Variants in RAD50 observed in about 807,000 individuals in gnomAD.
RAD50 encodes the protein DNA repair protein RAD50.
RAD50 carries 132 observed loss-of-function variants against 168.8 expected under a neutral mutation model. The observed-to-expected ratio is 0.78, with a 90% CI of 0.68 to 0.90. The LOEUF is 0.90. Among genes scored for constraint, RAD50 ranks in the 40% least tolerant of loss-of-function variants. RAD50 has a pLI of 0.00. For synonymous variants in RAD50, 525 were observed against 497.4 expected (o/e 1.06, Z -0.74); for missense variants, 1,347 against 1,534.4 (o/e 0.88, Z 2.04).
chr5:132,560,950 C>T (rs1219272619), intron 2 of RAD50, among the ~76,000 whole-genome samples: 1 of 152,220 alleles, frequency 6.6e-6, no homozygotes, highest in Non-Finnish European at 1.5e-5. Context: ...TTCCCTCAAT[C>T]TACTCCATTC....
rs1751825641 is a variant in RAD50, at chr5:132,645,242, T to C, written c.*2878T>C. 1 of 152,256 alleles carries C rather than the reference T, an allele frequency of 6.6e-6. No individual in the cohort carries two copies. The highest frequency in any genetic ancestry group is 2.4e-5 in the African/African-American group (1 of 41,464). The allele number at this position is 152,256 out of a possible 1,614,324, so 9.4% of individuals were successfully genotyped here. On this transcript the variant is annotated 3_prime_UTR_variant, in exon 25 of 25. Coordinates refer to ENST00000378823, the MANE Select transcript of RAD50 (RefSeq NM_005732.4). ...CTGAGATTTCAATCCATTGATTCTA[T>C]GGCTTTTTCACAGGTTGTTTCCCTG...
intron 17 of RAD50, 147 bp downstream of exon 17, chr5:132,608,872 ATT>A: frequency 7.3e-7 from 1 of 1,371,314 alleles, no homozygotes; most frequent in African/African-American, 1.5e-5. Flanking sequence ...GACATTAGAA[ATT>A]CTTGTTAGAA....
intron 21 of RAD50, chr5:132,630,646 T>A (rs1751446839): frequency 1.3e-5 from 2 of 152,216 alleles, no homozygotes; most frequent in Admixed American, 1.3e-4. Flanking sequence ...TAGGCTGAAT[T>A]GTAAAAGCTG....
chr5:132,565,353 TAATC>T (rs1165333670), intron 2 of RAD50, among the ~76,000 whole-genome samples: 13 of 152,256 alleles, frequency 8.5e-5, no homozygotes, highest in African/African-American at 2.2e-4. Flanking sequence ...TATATTGACT[TAATC>T]AATCCTCCTG....
intron 21 of RAD50, among the ~76,000 whole-genome samples, chr5:132,627,920 T>C (rs1269192983): frequency 6.6e-6 from 1 of 152,132 alleles, no homozygotes; most frequent in Admixed American, 6.5e-5. Context: ...AGTGATAGAC[T>C]TGGGATTTGT....
At chr5:132,611,695 G>C (rs542805769) in intron 19 of RAD50, among the ~76,000 whole-genome samples, 50 of 119,994 alleles carry the variant, frequency 4.2e-4, no homozygotes, top group Middle Eastern at 5.5e-3. Context: ...GACAGAGCCA[G>C]ACTCCGTCTT....
At position 132,603,252 on chromosome 5, in the gene RAD50, CTG is replaced by C. The variant is rs1750918549; in HGVS notation, c.2208-45_2208-44del. ...CTAAAAATACATAACCTCAGTCTAA[CTG>C]TGAGAAACATCAGATACTTTATTTT... On this transcript the variant is annotated intron_variant, in intron 13 of 24. Transcript: ENST00000378823. 3 of 1,507,710 alleles carry C rather than the reference CTG, an allele frequency of 2.0e-6. No homozygotes were observed. The Admixed American group carries it at 5.7e-5, about 29-fold the overall frequency. 93.4% of individuals were successfully genotyped at this position (1,507,710 alleles called of 1,614,324 possible).
intron 3 of RAD50, among the ~76,000 whole-genome samples, chr5:132,577,264 CTCT>C (rs778982657): frequency 1.7e-4 from 26 of 152,242 alleles, no homozygotes; most frequent in Middle Eastern, 3.4e-3. Context: ...TCACTGTGAC[CTCT>C]TCTTCTCTCT....
At chr5:132,611,000 T>C (rs1751073716) in intron 19 of RAD50, among the ~76,000 whole-genome samples, 1 of 152,182 alleles carries the variant, frequency 6.6e-6, no homozygotes, top group African/African-American at 2.4e-5. Context: ...AACAAGGCAG[T>C]GTAGAAATAA....
At chr5:132,560,309 A>T (rs1750102562) in intron 2 of RAD50, among the ~76,000 whole-genome samples, 1 of 152,146 alleles carries the variant, frequency 6.6e-6, no homozygotes, top group African/African-American at 2.4e-5. Context: ...CATTGAGTTT[A>T]TATCCTGTAG....
At position 132,621,259 on chromosome 5, in the gene RAD50, A is replaced by G. The variant is rs567489769; in HGVS notation, c.3389+2965A>G. Reference sequence around the variant, plus strand: ...TTTGAGAGGTAGGGCCCAGCAGTCTATTTTTGACAGACATTTTGGGTGATT... The same window carrying G: ...TTTGAGAGGTAGGGCCCAGCAGTCTGTTTTTGACAGACATTTTGGGTGATT... On this transcript the variant is annotated intron_variant, in intron 21 of 24. Coordinates refer to ENST00000378823, the MANE Select transcript of RAD50 (RefSeq NM_005732.4). 2.6e-5 allele frequency among the ~76,000 whole-genome samples: 4 copies of G among 152,248 alleles called. No homozygotes were observed. In the East Asian group the frequency reaches 7.7e-4, roughly 29 times the overall value.
At chr5:132,589,095 GGTTTT>G (rs1342619067) in intron 8 of RAD50, among the ~76,000 whole-genome samples, 3 of 151,960 alleles carry the variant, frequency 2.0e-5, no homozygotes, top group Non-Finnish European at 4.4e-5. Context: ...TTTTTTATTT[GGTTTT>G]AAGTAAAAAT....
chr5:132,591,836 A>C, intron 10 of RAD50, 41 bp from the exon 11 acceptor site: 1 of 1,438,486 alleles, frequency 7.0e-7, no homozygotes, highest in Non-Finnish European at 9.7e-7. Flanking sequence ...TAATGTGGAG[A>C]TATAGACTTT....
chr5:132,604,764 A>G (rs765880228), intron 15 of RAD50, 42 bp from the exon 16 acceptor site: 1 of 1,435,606 alleles, frequency 7.0e-7, no homozygotes, highest in Non-Finnish European at 9.7e-7. Flanking sequence ...AGTATTTTCT[A>G]TGCCCTTACA....
Position 132,588,055 on chromosome 5 carries a change from C to CAA in RAD50, c.1018_1019dup (p.Asn340LysfsTer32). The CAA allele has an allele frequency of 6.2e-7, 1 of 1,612,740 alleles. No homozygotes were observed. On this transcript the variant is annotated frameshift_variant, in exon 7 of 25. Coordinates refer to ENST00000378823, the MANE Select transcript of RAD50 (RefSeq NM_005732.4). LOFTEE classifies it high-confidence loss of function. Reference sequence around the variant, plus strand: ...AACTAAATAAAGAATCTAGGCTTCTCAATCAGGAAAAATCAGAACTGCTTG... The same window carrying CAA: ...AACTAAATAAAGAATCTAGGCTTCTCAAAATCAGGAAAAATCAGAACTGCTTG...
chr5:132,598,073 A>G (rs1412145356), intron 13 of RAD50, among the ~76,000 whole-genome samples: 1 of 144,746 alleles, frequency 6.9e-6, no homozygotes, highest in Admixed American at 6.7e-5. Flanking sequence ...TTTGAGACAG[A>G]GTTTTGCTTT....
chr5:132,576,610 T>C (rs1750404493), intron 3 of RAD50, among the ~76,000 whole-genome samples: 1 of 152,226 alleles, frequency 6.6e-6, no homozygotes, highest in Non-Finnish European at 1.5e-5. Flanking sequence ...GTTTTCATCA[T>C]TGCCATTTTA....
intron 2 of RAD50, among the ~76,000 whole-genome samples, chr5:132,563,141 TA>T (rs1242514241): frequency 1.3e-5 from 2 of 151,498 alleles, no homozygotes; most frequent in African/African-American, 4.9e-5. Context: ...GTTAACAGGA[TA>T]AAGGAAAGTT....
Position 132,580,088 on chromosome 5 carries a change from T to C in RAD50, c.756+22T>C, listed in dbSNP as rs1288796113. 3.2e-6 allele frequency: 5 copies of C among 1,544,826 alleles called. No individual in the cohort carries two copies. In the Admixed American group the frequency reaches 6.7e-5, roughly 21 times the overall value. ...GAAGGTAACTTGATTTTATTTTTAA[T>C]TGACAAAAATTGTATATCTTTATGG... On this transcript the variant is annotated intron_variant, in intron 5 of 24. Transcript: ENST00000378823.
Sources: allele counts gnomAD v4.1 joint callset (sites outside exome capture counted in the v4.1 genomes callset), GRCh38; gene constraint gnomAD v4.1.1; transcripts MANE v1.5; gene names NCBI Gene and HGNC (gene_info 2026-07-23, HGNC 2026-07-21).